Variants in MYO1E observed in about 807,000 individuals in gnomAD.
MYO1E encodes myosin IE, also known as unconventional myosin-Ie.
MYO1E carries 68 observed loss-of-function variants against 151.1 expected under a neutral mutation model. The observed-to-expected ratio is 0.45, with a 90% CI of 0.37 to 0.55. MYO1E has a LOEUF of 0.55. Among genes scored for constraint, MYO1E ranks in the 20% least tolerant of loss-of-function variants. The pLI is 0.00. For missense variants in MYO1E, 1,363 were observed against 1,389.3 expected (o/e 0.98, Z 0.30); for synonymous variants, 601 against 501.7 (o/e 1.20, Z -2.64).
At position 59,208,393 on chromosome 15, in the gene MYO1E, CT is replaced by C; in HGVS notation, c.1530+287del. ...ATTTATTGTGTTCTAGAAATTCCGA[CT>C]CTTTTCATTAGATATATGCTATTTC... On this transcript the variant is annotated intron_variant, in intron 14 of 27. Transcript: ENST00000288235. The C allele has an allele frequency of 8.9e-6, 5 of 560,638 alleles. No individual in the cohort carries two copies. The South Asian group carries it at 1.1e-4, about 13-fold the overall frequency. The allele number at this position is 560,638 out of a possible 1,614,324, so 34.7% of individuals were successfully genotyped here.
intron 23 of MYO1E, among the ~76,000 whole-genome samples, chr15:59,162,613 G>A (rs184661056): frequency 2.0e-5 from 3 of 147,074 alleles, no homozygotes; most frequent in African/African-American, 5.1e-5. Context: ...ACCACTGTAC[G>A]CCAGCCTGGG....
chr15:59,174,190 T>G lies in MYO1E; in HGVS notation c.2100A>C (p.Arg700=). Residue 700 remains arginine, a synonymous_variant, in exon 20 of 28, where the codon CGA becomes CGC. Coordinates refer to ENST00000288235, the MANE Select transcript of MYO1E (RefSeq NM_004998.4). Reference sequence around the variant, plus strand: ...ATTTCCTCCATGATTTCTGTATCACTCGAGCATACCCATCATACTTTCTCT... The same window carrying G: ...ATTTCCTCCATGATTTCTGTATCACGCGAGCATACCCATCATACTTTCTCT... The part of the protein sequence containing the change: ...MRERKYDGYA[R]VIQKSWRKFV... 6.8e-6 allele frequency: 11 copies of G among 1,614,138 alleles called. No homozygotes were observed. The highest frequency in any genetic ancestry group is 9.3e-6 in the Non-Finnish European group (11 of 1,180,002).
At chr15:59,340,201 C>G (rs935072820) in intron 1 of MYO1E, among the ~76,000 whole-genome samples, 5 of 151,894 alleles carry the variant, frequency 3.3e-5, no homozygotes, top group African/African-American at 1.2e-4. Flanking sequence ...GGTGTGCAAC[C>G]TATAATCGAG....
chr15:59,231,921 T>C (rs1247598792), intron 5 of MYO1E, 130 bp from the exon 6 acceptor site: 10 of 775,370 alleles, frequency 1.3e-5, no homozygotes, highest in Admixed American at 2.1e-5. Context: ...GTGTCACTGG[T>C]GGGGTTTCTG....
rs980925935 is a variant in MYO1E, at chr15:59,251,151, G to T, written c.332+5133C>A. Reference sequence around the variant, plus strand: ...TCTAGTAGTCGGTGACCTCCGCTTAGTATCAAACAGAAGCATTTCCTATTA... The same window carrying T: ...TCTAGTAGTCGGTGACCTCCGCTTATTATCAAACAGAAGCATTTCCTATTA... On this transcript the variant is annotated intron_variant, in intron 4 of 27. Transcript: ENST00000288235. Among the ~76,000 whole-genome samples the T allele has an allele frequency of 1.3e-3, 192 of 152,178 alleles. 4 individuals are homozygous for T. The highest frequency in any genetic ancestry group is 0.012 in the Admixed American group (190 of 15,272).
At chr15:59,268,718 G>GTTTTTTTTTTTTTTTTTTT (rs1452818863) in intron 2 of MYO1E, among the ~76,000 whole-genome samples, 252 of 11,954 alleles carry the variant, frequency 0.021, 2 homozygotes, top group Non-Finnish European at 0.052. Context: ...GGTGACTTTG[G>GTTTTTTTTTTTTTTTTTTT]TATTTTTTTT....
intron 1 of MYO1E, among the ~76,000 whole-genome samples, chr15:59,298,706 G>A (rs1327129597): frequency 6.6e-6 from 1 of 152,122 alleles, no homozygotes; most frequent in African/African-American, 2.4e-5. Context: ...AGACCAGATC[G>A]CTTAAATCCA....
intron 4 of MYO1E, among the ~76,000 whole-genome samples, chr15:59,248,127 CAAAAAAAAA>C (rs138467126): frequency 4.7e-4 from 17 of 35,896 alleles, no homozygotes; most frequent in Admixed American, 9.8e-4. Flanking sequence ...GACTCCGTCT[CAAAAAAAAA>C]AAAAAAAAAA....
At chr15:59,337,667 C>T (rs2080737444) in intron 1 of MYO1E, among the ~76,000 whole-genome samples, 1 of 152,128 alleles carries the variant, frequency 6.6e-6, no homozygotes, top group African/African-American at 2.4e-5. Context: ...CCCGTCTCTA[C>T]TAAAAGTATA....
At chr15:59,253,462 G>A (rs576324834) in intron 4 of MYO1E, among the ~76,000 whole-genome samples, 2 of 150,472 alleles carry the variant, frequency 1.3e-5, no homozygotes, top group African/African-American at 4.9e-5. Context: ...TGCCAAAAAC[G>A]GAATCTGAGT....
chr15:59,347,634 G>A (rs183352278), intron 1 of MYO1E, among the ~76,000 whole-genome samples: 2 of 152,148 alleles, frequency 1.3e-5, no homozygotes, highest in Admixed American at 6.5e-5. Context: ...ACTGGTTTAG[G>A]AATAAAGAAA....
intron 1 of MYO1E, among the ~76,000 whole-genome samples, chr15:59,274,430 C>A (rs2080306265): frequency 6.6e-6 from 1 of 152,148 alleles, no homozygotes; most frequent in Non-Finnish European, 1.5e-5. Flanking sequence ...CCAGTGATTC[C>A]TCCTCTCCTC....
rs202125461 is a variant in MYO1E, at chr15:59,267,926, A to AT, written c.147+4379dup. ...AACGATGTCAGCATTTTCTAAGTGG[A>AT]TTTTTTTTTCCTAATGTAGAAGAAA... is the stretch of plus-strand genomic sequence containing the variant. On this transcript the variant is annotated intron_variant, in intron 2 of 27. Coordinates refer to ENST00000288235, the MANE Select transcript of MYO1E (RefSeq NM_004998.4). 3.0e-3 allele frequency among the ~76,000 whole-genome samples: 454 copies of AT among 151,804 alleles called. 3 individuals carry two copies. Among genetic ancestry groups the AT allele is most frequent in the African/African-American group, 9.9e-3 (411 of 41,422 alleles).
At chr15:59,196,559 T>G (rs1268832022) in intron 16 of MYO1E, among the ~76,000 whole-genome samples, 1 of 152,208 alleles carries the variant, frequency 6.6e-6, no homozygotes, top group Non-Finnish European at 1.5e-5. Flanking sequence ...CAGAAGAGAT[T>G]TGCTTGCAAG....
At chr15:59,280,979 C>T (rs1280219346) in intron 1 of MYO1E, among the ~76,000 whole-genome samples, 4 of 152,152 alleles carry the variant, frequency 2.6e-5, no homozygotes, top group Admixed American at 6.5e-5. Flanking sequence ...CCACCCCCTC[C>T]CCCATCCTCA....
At chr15:59,206,422 G>A (rs1395363981) in intron 14 of MYO1E, among the ~76,000 whole-genome samples, 1 of 152,208 alleles carries the variant, frequency 6.6e-6, no homozygotes, top group Non-Finnish European at 1.5e-5. Flanking sequence ...CACCAAGGCA[G>A]TGGAATCCTT....
At chr15:59,149,052 G>T (rs183337983) in intron 26 of MYO1E, among the ~76,000 whole-genome samples, 384 of 128,114 alleles carry the variant, frequency 3.0e-3, no homozygotes, top group South Asian at 8.6e-3. Context: ...TTTTTTTTTT[G>T]TTTTTTTTTT....
chr15:59,234,873 CTT>C (rs1183501662), intron 5 of MYO1E, among the ~76,000 whole-genome samples: 1 of 149,324 alleles, frequency 6.7e-6, no homozygotes, highest in African/African-American at 2.5e-5. Flanking sequence ...TTTTATGTGT[CTT>C]TTGAAAGTCT....
chr15:59,277,284 T>C lies in MYO1E; in HGVS notation c.4-4835A>G, dbSNP rs1318915654. Among the ~76,000 whole-genome samples, 5 of 152,118 alleles carry C rather than the reference T, an allele frequency of 3.3e-5. 1 individual carries two copies. The highest frequency in any genetic ancestry group is 3.3e-4 in the Admixed American group (5 of 15,264). ...AGTCTGGGCCAGGCGCGGTGGCTCA[T>C]ACCTGTAATTCCAGAACTTTGGGAG... On this transcript the variant is annotated intron_variant, in intron 1 of 27. Transcript: ENST00000288235.
Sources: gnomAD v4.1 joint callset for allele counts (sites outside exome capture counted in the v4.1 genomes callset) on GRCh38, gnomAD v4.1.1 for gene constraint, MANE v1.5 for transcripts, NCBI Gene and HGNC (gene_info 2026-07-23, HGNC 2026-07-21) for gene names.